The following DYNC1I1 variants were observed in gnomAD, a reference collection of about 807,000 sequenced individuals.
DYNC1I1 encodes the protein cytoplasmic dynein 1 intermediate chain 1.
Under a neutral mutation model 86.6 loss-of-function variants are expected in DYNC1I1, and 43 were observed. That is an observed-to-expected ratio of 0.50 (90% CI 0.39 to 0.64). DYNC1I1 has a LOEUF of 0.64. DYNC1I1 is among the 30% of genes least tolerant of loss of function. The pLI is 0.00. For synonymous variants in DYNC1I1, 262 were observed against 283.7 expected (o/e 0.92, Z 0.77); for missense variants, 604 against 788.8 (o/e 0.77, Z 2.81).
chr7:95,942,621 C>T, intron 6 of DYNC1I1, among the ~76,000 whole-genome samples: 1 of 151,812 alleles, frequency 6.6e-6, no homozygotes, highest in Admixed American at 6.6e-5. Flanking sequence ...CAAAAATCCT[C>T]AATAAAATAC....
At chr7:95,983,490 C>A (rs1024267712) in intron 7 of DYNC1I1, among the ~76,000 whole-genome samples, 1 of 152,018 alleles carries the variant, frequency 6.6e-6, no homozygotes, top group African/African-American at 2.4e-5. Flanking sequence ...TTTCTCCAGA[C>A]CCCCTGCCTC....
At chr7:96,036,033 G>A (rs767175455) in intron 13 of DYNC1I1, among the ~76,000 whole-genome samples, 51 of 152,246 alleles carry the variant, frequency 3.3e-4, no homozygotes, top group Middle Eastern at 3.4e-3. Flanking sequence ...TACCTTCAGG[G>A]TCTAGCCATG....
chr7:96,094,168 C>T (rs1170798533), intron 16 of DYNC1I1, among the ~76,000 whole-genome samples: 1 of 151,952 alleles, frequency 6.6e-6, no homozygotes, highest in African/African-American at 2.4e-5. Context: ...CTTCATATTC[C>T]AAAATGATTC....
At chr7:95,943,313 C>A (rs1481967348) in intron 6 of DYNC1I1, among the ~76,000 whole-genome samples, 1 of 151,310 alleles carries the variant, frequency 6.6e-6, no homozygotes, top group East Asian at 1.9e-4. Context: ...ATCCAACTTA[C>A]AAGGGACATG....
At chr7:95,905,440 G>A (rs771402731) in intron 6 of DYNC1I1, among the ~76,000 whole-genome samples, 13 of 152,120 alleles carry the variant, frequency 8.5e-5, no homozygotes, top group Non-Finnish European at 1.8e-4. Context: ...CTACTCAGCT[G>A]CAGACTCATA....
Position 96,074,423 on chromosome 7 carries a change from C to T in DYNC1I1, c.1510-1634C>T, listed in dbSNP as rs537712579. On this transcript the variant is annotated intron_variant, in intron 14 of 16. Coordinates refer to ENST00000447467, the MANE Select transcript of DYNC1I1 (RefSeq NM_001135556.2). ...AAAAGTAGTCGGGCCTGGTGGCGGG[C>T]ACCTGTAGTCCCAGCTACTCGGGAG... 2.4e-3 allele frequency among the ~76,000 whole-genome samples: 366 copies of T among 152,136 alleles called. 1 individual carries two copies. Among genetic ancestry groups the T allele is most frequent in the Non-Finnish European group, 4.4e-3 (298 of 67,996 alleles).
intron 5 of DYNC1I1, among the ~76,000 whole-genome samples, chr7:95,833,530 G>T (rs1443262485): frequency 7.4e-6 from 1 of 134,234 alleles, no homozygotes. Context: ...GCTTGATGGG[G>T]ATGGCATTGA....
chr7:95,980,736 G>T (rs911040209), intron 7 of DYNC1I1, among the ~76,000 whole-genome samples: 2 of 151,608 alleles, frequency 1.3e-5, no homozygotes, highest in South Asian at 2.1e-4. Flanking sequence ...AAAAAATCAG[G>T]TATATTTTAG....
intron 9 of DYNC1I1, among the ~76,000 whole-genome samples, chr7:95,990,112 CTT>C (rs1793695156): frequency 6.6e-6 from 1 of 152,128 alleles, no homozygotes; most frequent in African/African-American, 2.4e-5. Context: ...AACCAGAACA[CTT>C]TAACTTTGAA....
intron 13 of DYNC1I1, among the ~76,000 whole-genome samples, chr7:96,037,165 A>G (rs970548554): frequency 6.6e-6 from 1 of 152,176 alleles, no homozygotes; most frequent in Admixed American, 6.6e-5. Context: ...AACAAGCAGT[A>G]TTTGTCCCCT....
chr7:96,053,608 C>T (rs901502285), intron 14 of DYNC1I1, among the ~76,000 whole-genome samples: 1 of 152,062 alleles, frequency 6.6e-6, no homozygotes, highest in Non-Finnish European at 1.5e-5. Context: ...AGTGGCAAGA[C>T]AAAAAGACAG....
At chr7:96,102,982 C>G (rs1791157235), downstream of DYNC1I1, among the ~76,000 whole-genome samples, 1 of 152,106 alleles carries the variant, frequency 6.6e-6, no homozygotes, top group Non-Finnish European at 1.5e-5. Context: ...CTAAAAGAAA[C>G]CCCTTATAAG....
At chr7:96,065,395 T>TTTTTGG (rs1789944226) in intron 14 of DYNC1I1, among the ~76,000 whole-genome samples, 1 of 149,270 alleles carries the variant, frequency 6.7e-6, no homozygotes, top group Non-Finnish European at 1.5e-5. Flanking sequence ...TTTTTTTTTT[T>TTTTTGG]GAGACAGGGT....
At chr7:95,949,945 T>G (rs928296911) in intron 6 of DYNC1I1, among the ~76,000 whole-genome samples, 2 of 149,710 alleles carry the variant, frequency 1.3e-5, no homozygotes, top group African/African-American at 2.4e-5. Context: ...CTTAGGCTAG[T>G]TTTAGTTTTC....
intron 12 of DYNC1I1, among the ~76,000 whole-genome samples, chr7:96,034,555 A>G (rs913404459): frequency 6.6e-6 from 1 of 152,162 alleles, no homozygotes; most frequent in Non-Finnish European, 1.5e-5. Context: ...TCTCTCCCAA[A>G]TGGGTAAAGG....
At chr7:96,096,194 A>T (rs1277081621) in intron 16 of DYNC1I1, among the ~76,000 whole-genome samples, 3 of 152,122 alleles carry the variant, frequency 2.0e-5, no homozygotes, top group African/African-American at 7.2e-5. Flanking sequence ...TCTTGGACAG[A>T]TAGTATTTGA....
chr7:95,837,775 TC>T (rs1426701007), intron 5 of DYNC1I1: 1 of 153,402 alleles, frequency 6.5e-6, no homozygotes, highest in African/African-American at 2.4e-5. Flanking sequence ...GAAAGGGAAC[TC>T]CCTGACCCCT....
chr7:95,863,936 A>G (rs1789954805), intron 5 of DYNC1I1, among the ~76,000 whole-genome samples: 1 of 152,226 alleles, frequency 6.6e-6, no homozygotes, highest in African/African-American at 2.4e-5. Flanking sequence ...CCAAAATATC[A>G]TTCACGTTTT....
intron 14 of DYNC1I1, 48 bp from the exon 15 acceptor site, chr7:96,076,009 G>A (rs1216559664): frequency 8.1e-6 from 13 of 1,595,726 alleles, no homozygotes; most frequent in African/African-American, 1.3e-5. Context: ...TAGACAGCCC[G>A]AGGCAGCAGC....
Sources: gnomAD v4.1 joint callset for allele counts (sites outside exome capture counted in the v4.1 genomes callset) on GRCh38, gnomAD v4.1.1 for gene constraint, MANE v1.5 for transcripts, NCBI Gene and HGNC (gene_info 2026-07-23, HGNC 2026-07-21) for gene names.